Variants in SFMBT2 observed in about 807,000 individuals in gnomAD.
SFMBT2 encodes Scm like with four mbt domains 2.
A neutral mutation model predicts 110.1 loss-of-function variants in SFMBT2; 38 were observed. The observed-to-expected ratio is 0.35, with a 90% CI of 0.27 to 0.45. The LOEUF (loss-of-function observed/expected upper bound fraction) is 0.45. SFMBT2 is among the 20% of genes least tolerant of loss of function. The pLI is 1.00. For missense variants in SFMBT2, 1,011 were observed against 1,094.9 expected (o/e 0.92, Z 1.08); for synonymous variants, 425 against 425.4 (o/e 1.00, Z 0.01).
chr10:7,193,826 G>A (rs1191111339), intron 15 of SFMBT2, among the ~76,000 whole-genome samples: 4 of 152,186 alleles, frequency 2.6e-5, no homozygotes, highest in Non-Finnish European at 5.9e-5. Context: ...GCAAAGGAAC[G>A]CAACAGCCGA....
chr10:7,257,075 G>A (rs1170934962), intron 7 of SFMBT2, among the ~76,000 whole-genome samples: 2 of 134,740 alleles, frequency 1.5e-5, no homozygotes, highest in African/African-American at 5.8e-5. Context: ...CTGGGTGACA[G>A]AGCGAGACTC....
Position 7,270,583 on chromosome 10 carries a change from A to C in SFMBT2, c.870+6309T>G, listed in dbSNP as rs1226726492. Reference sequence around the variant, plus strand: ...GAACACATAATATTCAATGCAACTAATGTCTATTTATAAAGTGCCTAACCC... The same window carrying C: ...GAACACATAATATTCAATGCAACTACTGTCTATTTATAAAGTGCCTAACCC... On this transcript the variant is annotated intron_variant, in intron 7 of 20. Coordinates refer to ENST00000397167, the MANE Select transcript of SFMBT2 (RefSeq NM_001387889.1). Among the ~76,000 whole-genome samples the C allele has an allele frequency of 4.6e-5, 7 of 152,376 alleles. 1 individual carries two copies. The East Asian group carries it at 1.2e-3, about 25-fold the overall frequency.
rs964110155 is a variant in SFMBT2 at position 7,161,602 on chromosome 10, G to C, written c.*2168C>G. The C allele has an allele frequency of 1.9e-4, 29 of 152,186 alleles. No homozygotes were observed. Among genetic ancestry groups the C allele is most frequent in the Admixed American group, 1.8e-3 (27 of 15,272 alleles). The allele number at this position is 152,186 out of a possible 1,614,324, so 9.4% of individuals were successfully genotyped here. A position where few individuals can be genotyped will look rare whatever the true frequency, so the allele number is the denominator to read the frequency against. ...CGGGGCAAGCCAGCCACAGATCCCA[G>C]AGACATTTCTGTCGGGGTACAACTG... On this transcript the variant is annotated 3_prime_UTR_variant, in exon 21 of 21. Transcript: ENST00000397167.
chr10:7,242,535 A>G (rs1840466107), intron 9 of SFMBT2, among the ~76,000 whole-genome samples: 2 of 152,258 alleles, frequency 1.3e-5, no homozygotes, highest in African/African-American at 2.4e-5. Flanking sequence ...TAAGTTTACC[A>G]TATACCATTA....
intron 11 of SFMBT2, chr10:7,206,849 G>A: frequency 1.0e-6 from 1 of 983,360 alleles, no homozygotes; most frequent in Non-Finnish European, 1.2e-6. Context: ...CAAGAGATCA[G>A]AGCTCCATTA....
chr10:7,248,540 AAAC>A lies in SFMBT2; in HGVS notation c.972+5_972+7del. On this transcript the variant is annotated splice_donor_5th_base_variant and intron_variant, in intron 8 of 20. Transcript: ENST00000397167. ...GGCTGGGTCGAAGAGCGAGGGAGGA[AAAC>A]CCACCTTAGTCACCGACGCAGGAGA... is the stretch of plus-strand genomic sequence containing the variant. 6.2e-7 allele frequency: 1 copy of A among 1,613,116 alleles called. No individual in the cohort carries two copies. Among genetic ancestry groups the A allele is most frequent in the Non-Finnish European group, 8.5e-7 (1 of 1,179,086 alleles).
At chr10:7,281,897 G>A (rs1841957891) in intron 6 of SFMBT2, among the ~76,000 whole-genome samples, 1 of 152,114 alleles carries the variant, frequency 6.6e-6, no homozygotes, top group Non-Finnish European at 1.5e-5. Context: ...CCAGGCTGGA[G>A]TGCAGCAGAG....
intron 4 of SFMBT2, among the ~76,000 whole-genome samples, chr10:7,294,147 T>C (rs984769857): frequency 6.6e-5 from 10 of 152,168 alleles, no homozygotes; most frequent in African/African-American, 2.2e-4. Context: ...GAAGGTACTG[T>C]AATTACTGCT....
At chr10:7,309,077 C>T (rs562986500) in intron 4 of SFMBT2, among the ~76,000 whole-genome samples, 6 of 152,226 alleles carry the variant, frequency 3.9e-5, no homozygotes, top group Non-Finnish European at 5.9e-5. Flanking sequence ...TGGGTGCATC[C>T]GCGAGGGTGT....
intron 4 of SFMBT2, among the ~76,000 whole-genome samples, chr10:7,334,974 T>C (rs115613674): frequency 7.9e-5 from 12 of 152,124 alleles, no homozygotes; most frequent in Admixed American, 7.2e-4. Context: ...TAGGGAGGAA[T>C]TGAGGCGGGA....
chr10:7,297,931 C>T (rs1266048569), intron 4 of SFMBT2, among the ~76,000 whole-genome samples: 2 of 152,192 alleles, frequency 1.3e-5, no homozygotes, highest in East Asian at 1.9e-4. Context: ...CCCCCACCAC[C>T]TCCACAGTGG....
intron 8 of SFMBT2, among the ~76,000 whole-genome samples, chr10:7,247,684 T>G (rs1030620876): frequency 3.3e-5 from 5 of 152,246 alleles, no homozygotes; most frequent in African/African-American, 1.2e-4. Flanking sequence ...TAAAACAGAT[T>G]TAAATCTTTA....
chr10:7,178,173 C>T lies in SFMBT2; in HGVS notation c.1809-2008G>A, dbSNP rs1838134953. Among the ~76,000 whole-genome samples, 9 of 152,294 alleles carry T rather than the reference C, an allele frequency of 5.9e-5. 1 individual carries two copies. The South Asian group carries it at 1.7e-3, about 28-fold the overall frequency. Reference sequence around the variant, plus strand: ...GGACCCCCGGACTGCCTGCCTGCACCTCCCCACCACCCACACAGCAGCTTC... The same window carrying T: ...GGACCCCCGGACTGCCTGCCTGCACTTCCCCACCACCCACACAGCAGCTTC... On this transcript the variant is annotated intron_variant, in intron 16 of 20. Coordinates refer to ENST00000397167, the MANE Select transcript of SFMBT2 (RefSeq NM_001387889.1).
chr10:7,286,541 C>G (rs1377015373), intron 4 of SFMBT2: 1 of 161,936 alleles, frequency 6.2e-6, no homozygotes, highest in Non-Finnish European at 1.3e-5. Flanking sequence ...AAATAAAATG[C>G]ATCTTTACTG....
At chr10:7,363,431 C>A (rs948048556) in intron 4 of SFMBT2, among the ~76,000 whole-genome samples, 1 of 152,040 alleles carries the variant, frequency 6.6e-6, no homozygotes, top group Non-Finnish European at 1.5e-5. Flanking sequence ...TCACGGCAAC[C>A]TTTGCCTCCT....
At chr10:7,399,705 C>T (rs1282272442) in intron 1 of SFMBT2, among the ~76,000 whole-genome samples, 2 of 152,334 alleles carry the variant, frequency 1.3e-5, no homozygotes, top group Admixed American at 6.5e-5. Flanking sequence ...TGGTAACTAA[C>T]GTCTTATCAG....
At chr10:7,333,137 G>A (rs2131964649) in intron 4 of SFMBT2, among the ~76,000 whole-genome samples, 1 of 152,272 alleles carries the variant, frequency 6.6e-6, no homozygotes, top group South Asian at 2.1e-4. Context: ...AAAGTGCTGG[G>A]ATTATAGGTG....
intron 7 of SFMBT2, chr10:7,249,613 G>A (rs1425367445): frequency 1.1e-6 from 1 of 938,444 alleles, no homozygotes; most frequent in African/African-American, 1.8e-5. Context: ...ATCTAAAGTG[G>A]GTTTTTAATT....
chr10:7,374,159 G>A (rs942963589), intron 2 of SFMBT2, among the ~76,000 whole-genome samples: 6 of 152,166 alleles, frequency 3.9e-5, no homozygotes, highest in Non-Finnish European at 5.9e-5. Context: ...TTACTCAGGA[G>A]GCTGGGGCAG....
Sources: allele counts gnomAD v4.1 joint callset (sites outside exome capture counted in the v4.1 genomes callset), GRCh38; gene constraint gnomAD v4.1.1; transcripts MANE v1.5; gene names NCBI Gene and HGNC (gene_info 2026-07-23, HGNC 2026-07-21).